ADAR: variants seen among roughly 807,000 people sequenced by gnomAD.
ADAR encodes double-stranded RNA-specific adenosine deaminase.
A neutral mutation model predicts 113.2 loss-of-function variants in ADAR; 41 were observed. That is an observed-to-expected ratio of 0.36 (90% CI 0.28 to 0.47). ADAR has a LOEUF of 0.47. Among genes scored for constraint, ADAR ranks in the 20% least tolerant of loss-of-function variants. ADAR has a pLI of 1.00. For synonymous variants in ADAR, 605 were observed against 572.6 expected (o/e 1.06, Z -0.81); for missense variants, 1,242 against 1,540.9 (o/e 0.81, Z 3.25).
intron 6 of ADAR, among the ~76,000 whole-genome samples, chr1:154,596,025 C>T (rs781684353): frequency 1.3e-5 from 2 of 152,158 alleles, no homozygotes; most frequent in East Asian, 1.9e-4. Context: ...AGCCTAGGAG[C>T]AACCGGCCAT....
intron 6 of ADAR, among the ~76,000 whole-genome samples, chr1:154,596,444 T>A (rs1697501005): frequency 6.6e-6 from 1 of 152,200 alleles, no homozygotes; most frequent in African/African-American, 2.4e-5. Context: ...TTTCCTCATA[T>A]GGTCCGGCTG....
chr1:154,590,358 T>C lies in ADAR; in HGVS notation c.2322A>G (p.Ala774=). The change falls in exon 7 of 15, where the codon GCA becomes GCG. Residue 774 remains alanine (A), a synonymous_variant. Coordinates refer to ENST00000368474, the MANE Select transcript of ADAR (RefSeq NM_001111.5). ...CCTGCTTGCCTTGCTTCTTGCTGTG[T>C]GCGCAGACGGCTGGGAACCAGCGAC... ...VGGRWFPAVC[A]HSKKQGKQEA... 2 of 1,614,166 alleles carry C rather than the reference T, an allele frequency of 1.2e-6. No homozygotes were observed. The highest frequency in any genetic ancestry group is 2.2e-5 in the South Asian group (2 of 91,080).
chr1:154,611,112 G>A (rs1269056480), upstream of ADAR, among the ~76,000 whole-genome samples: 4 of 151,862 alleles, frequency 2.6e-5, no homozygotes, highest in South Asian at 4.1e-4. Flanking sequence ...TTTTTCCTCC[G>A]TTTAAGTAAC....
intron 10 of ADAR, 84 bp from the exon 11 acceptor site, chr1:154,588,342 A>C: frequency 6.2e-7 from 1 of 1,601,766 alleles, no homozygotes; most frequent in Non-Finnish European, 8.5e-7. Context: ...ATGTGACAGA[A>C]GCAAGGGATG....
At chr1:154,596,397 C>T (rs1359674669) in intron 6 of ADAR, among the ~76,000 whole-genome samples, 4 of 152,084 alleles carry the variant, frequency 2.6e-5, no homozygotes, top group Non-Finnish European at 5.9e-5. Context: ...CCCGCTGCCA[C>T]GCCCAGCTAA....
chr1:154,595,127 C>T (rs1050460184), intron 6 of ADAR, among the ~76,000 whole-genome samples: 2 of 152,190 alleles, frequency 1.3e-5, no homozygotes, highest in African/African-American at 2.4e-5. Context: ...CATTCTGGTC[C>T]GAGCTCCGCC....
chr1:154,601,875 T>G lies in ADAR; in HGVS notation c.767A>C (p.His256Pro). 6.2e-7 allele frequency: 1 copy of G among 1,614,252 alleles called. No homozygotes were observed. The highest frequency in any genetic ancestry group is 8.5e-7 in the Non-Finnish European group (1 of 1,180,038). ...IAVSAQAWNQ[H>P]SGVVRPDSHS... ...ACTGTCTGGTCTTACCACTCCGCTGTGCTGGTTCCAAGCCTGAGCTGAGAC... is the reference window on the plus strand; with the variant it reads ...ACTGTCTGGTCTTACCACTCCGCTGGGCTGGTTCCAAGCCTGAGCTGAGAC... The change falls in exon 2 of 15, where the codon CAC (histidine) becomes CCC (proline). Residue 256 changes from histidine (H) to proline (P), a missense_variant. This residue lies in a region of ADAR where 462 missense variants were observed against 483.1 expected (regional missense o/e 0.96). Transcript: ENST00000368474. The surrounding 1 kb of genome is among the most constrained non-coding windows in gnomAD (Gnocchi z 4.7).
intron 1 of ADAR, among the ~76,000 whole-genome samples, chr1:154,623,433 GAGCACACATGTA>G (rs1698847838): frequency 6.6e-6 from 1 of 152,114 alleles, no homozygotes. Flanking sequence ...AGTGAGATAA[GAGCACACATGTA>G]AGCACACATG....
intron 1 of ADAR, chr1:154,627,761 C>A: frequency 2.1e-6 from 1 of 472,626 alleles, no homozygotes; most frequent in Non-Finnish European, 4.2e-6. Flanking sequence ...CGCCCCCACG[C>A]TTCCTCTAAC....
rs199708009 is a variant in ADAR at position 154,586,190 on chromosome 1, C to G, written c.3193G>C (p.Val1065Leu). ...HFLQPIYLKSVTLGYLFSQGH... is the reference protein window; with the variant it reads ...HFLQPIYLKSLTLGYLFSQGH... ...AAGGCAGGCCCCTTACCCAATGTGA[C>G]AGATTTGAGATAAATGGGCTGCAGG... The change falls in exon 12 of 15, where the codon GTC (valine) becomes CTC (leucine). Residue 1065 changes from valine to leucine, a missense_variant. This residue lies in a region of ADAR where 780 missense variants were observed against 1,057.9 expected (regional missense o/e 0.74). Transcript: ENST00000368474. 2.5e-6 allele frequency: 4 copies of G among 1,614,126 alleles called. No individual in the cohort carries two copies. In the Admixed American group the frequency reaches 6.7e-5, roughly 27 times the overall value.
chr1:154,590,140 G>GGGGCCC, intron 7 of ADAR, 44 bp downstream of exon 7: 1 of 1,373,186 alleles, frequency 7.3e-7, no homozygotes, highest in Non-Finnish European at 1.0e-6. Flanking sequence ...GAGTTAGGAG[G>GGGGCCC]ACCCCCCCGC....
intron 4 of ADAR, 89 bp downstream of exon 4, chr1:154,597,739 T>C: frequency 6.4e-7 from 1 of 1,560,472 alleles, no homozygotes; most frequent in Admixed American, 1.7e-5. Flanking sequence ...AATTGGTCAA[T>C]CTGCCATCCC....
At position 154,598,430 on chromosome 1, in the gene ADAR, T is replaced by C. The variant is rs1445947516; in HGVS notation, c.1757A>G (p.His586Arg). The C allele has an allele frequency of 3.7e-6, 6 of 1,614,122 alleles. No homozygotes were observed. The highest frequency in any genetic ancestry group is 2.7e-5 in the African/African-American group (2 of 74,994). Reference protein sequence around the residue: ...KDSGKSEESSHYSTEKESEKT... With the variant: ...KDSGKSEESSRYSTEKESEKT... The stretch of plus-strand genomic sequence containing the variant: ...CTCTGATTCTTTCTCTGTGGAATAG[T>C]GGGATGATTCTTCTGATTTTCCACT... Residue 586 changes from histidine to arginine, a missense_variant, in exon 3 of 15, where the codon CAC (histidine) becomes CGC (arginine). By Grantham distance (29) the His-to-Arg change is conservative. This residue lies in a region of ADAR where 780 missense variants were observed against 1,057.9 expected (regional missense o/e 0.74). Transcript: ENST00000368474.
chr1:154,627,954 C>T (rs1181019785), exon 1 of ADAR: 4 of 514,974 alleles, frequency 7.8e-6, no homozygotes, highest in South Asian at 5.6e-5. Context: ...CCTTCTCTAC[C>T]TTCAGTCGGG....
intron 11 of ADAR, 105 bp downstream of exon 11, chr1:154,588,020 T>C: frequency 6.5e-7 from 1 of 1,547,698 alleles, no homozygotes; most frequent in Non-Finnish European, 8.8e-7. Context: ...AGCACCTCTG[T>C]GCCCAGTGAC....
upstream of ADAR, among the ~76,000 whole-genome samples, chr1:154,612,322 T>TTTG (rs1698507979): frequency 2.4e-5 from 3 of 124,352 alleles, no homozygotes; most frequent in African/African-American, 9.3e-5. Context: ...TACTCAGTTT[T>TTTG]TTTTTTTTTT....
upstream of ADAR, among the ~76,000 whole-genome samples, chr1:154,612,798 A>G (rs186303700): frequency 4.6e-5 from 7 of 151,950 alleles, no homozygotes; most frequent in East Asian, 1.2e-3. Context: ...AGTTCCTAAC[A>G]ACATTAATTT....
chr1:154,610,824 G>GAAAAAAAAAAAAAAAA (rs1298389364), upstream of ADAR, among the ~76,000 whole-genome samples: 4 of 65,204 alleles, frequency 6.1e-5, no homozygotes, highest in Non-Finnish European at 8.1e-5. Flanking sequence ...AAAAAAAAAA[G>GAAAAAAAAAAAAAAAA]AAAAAAAAAA....
chr1:154,585,300 C>T lies in ADAR; in HGVS notation c.3360G>A (p.Lys1120=), dbSNP rs1696677352. Residue 1120 remains lysine (K), a synonymous_variant, in exon 14 of 15, where the codon AAG becomes AAA. Coordinates refer to ENST00000368474, the MANE Select transcript of ADAR (RefSeq NM_001111.5). ...SIYDSKRQSG[K]TKETSVNWCL... ...ACCAGTTGACGCTTGTCTCCTTAGT[C>T]TTCCCGGATTGCCTTTTGGAATCAT... 8 of 1,614,114 alleles carry T rather than the reference C, an allele frequency of 5.0e-6. No individual in the cohort carries two copies. In the African/African-American group the frequency reaches 9.3e-5, roughly 19 times the overall value.
Sources: allele counts gnomAD v4.1 joint callset (sites outside exome capture counted in the v4.1 genomes callset), GRCh38; gene constraint gnomAD v4.1.1; regional missense constraint gnomAD v4.1.1; non-coding constraint Gnocchi (gnomAD v3.1); transcripts MANE v1.5; gene names NCBI Gene and HGNC (gene_info 2026-07-23, HGNC 2026-07-21).